The following SMYD3 variants were observed in gnomAD, a reference collection of about 807,000 sequenced individuals.
The protein encoded by SMYD3 is histone-lysine N-methyltransferase SMYD3.
Under a neutral mutation model 57.7 loss-of-function variants are expected in SMYD3, and 36 were observed. The ratio of observed to expected loss-of-function variants is 0.62; its 90% CI spans 0.48 to 0.82. The LOEUF (loss-of-function observed/expected upper bound fraction) is 0.82. SMYD3 is among the 40% of genes least tolerant of loss of function. SMYD3 has a pLI of 0.00. For missense variants in SMYD3, 515 were observed against 538.8 expected (o/e 0.96, Z 0.44); for synonymous variants, 211 against 195.0 (o/e 1.08, Z -0.68).
intron 10 of SMYD3, among the ~76,000 whole-genome samples, chr1:245,812,700 C>CGAAAAAAAAA (rs201426225): frequency 2.1e-5 from 1 of 46,588 alleles, no homozygotes; most frequent in African/African-American, 5.6e-5. Context: ...AACAACAGTT[C>CGAAAAAAAAA]CAAAAAAAAA....
chr1:246,277,042 G>A (rs1424771862), intron 5 of SMYD3, among the ~76,000 whole-genome samples: 3 of 152,216 alleles, frequency 2.0e-5, no homozygotes, highest in Admixed American at 1.3e-4. Context: ...CTAATATGGA[G>A]ATGTACATAT....
intron 8 of SMYD3, among the ~76,000 whole-genome samples, chr1:245,886,069 A>G (rs2053071285): frequency 6.6e-6 from 1 of 152,256 alleles, no homozygotes; most frequent in African/African-American, 2.4e-5. Flanking sequence ...AGAAATTAGC[A>G]TAAGAAGGTA....
At chr1:245,806,363 C>T (rs1017375648) in intron 10 of SMYD3, among the ~76,000 whole-genome samples, 1 of 152,128 alleles carries the variant, frequency 6.6e-6, no homozygotes, top group Non-Finnish European at 1.5e-5. Context: ...CTTACTTAAT[C>T]CTTATCACAA....
chr1:246,302,867 T>C (rs2064914838), intron 5 of SMYD3, among the ~76,000 whole-genome samples: 1 of 152,186 alleles, frequency 6.6e-6, no homozygotes, highest in Non-Finnish European at 1.5e-5. Flanking sequence ...GCAGTTAGCT[T>C]TGTGACTCAG....
At chr1:245,807,937 C>T (rs886743185) in intron 10 of SMYD3, among the ~76,000 whole-genome samples, 9 of 151,992 alleles carry the variant, frequency 5.9e-5, no homozygotes, top group Non-Finnish European at 1.0e-4. Context: ...TTTTAATAGT[C>T]GTTATGATTC....
intron 5 of SMYD3, among the ~76,000 whole-genome samples, chr1:246,082,400 C>G (rs960891241): frequency 6.6e-6 from 1 of 152,134 alleles, no homozygotes; most frequent in African/African-American, 2.4e-5. Flanking sequence ...ACCAACTCAC[C>G]CCCCTGGACC....
chr1:246,481,232 C>CA, intron 1 of SMYD3, among the ~76,000 whole-genome samples: 1 of 152,138 alleles, frequency 6.6e-6, no homozygotes, highest in South Asian at 2.1e-4. Flanking sequence ...GTTGATTTCA[C>CA]ATGTAAACAT....
At chr1:246,067,915 C>A (rs2060372289) in intron 5 of SMYD3, among the ~76,000 whole-genome samples, 1 of 152,122 alleles carries the variant, frequency 6.6e-6, no homozygotes, top group African/African-American at 2.4e-5. Context: ...CTCTCCGGCA[C>A]CGACTGAGTA....
At chr1:245,786,512 T>C (rs1486371666) in intron 10 of SMYD3, among the ~76,000 whole-genome samples, 1 of 151,004 alleles carries the variant, frequency 6.6e-6, no homozygotes, top group African/African-American at 2.5e-5. Flanking sequence ...TGAACCCAGC[T>C]CTCTCCAGCC....
At chr1:246,445,652 C>A (rs939280172) in intron 1 of SMYD3, among the ~76,000 whole-genome samples, 1 of 152,164 alleles carries the variant, frequency 6.6e-6, no homozygotes, top group African/African-American at 2.4e-5. Context: ...AAAACCCCTA[C>A]AGCTGTTAAG....
chr1:245,884,419 G>A (rs115081774), intron 8 of SMYD3, among the ~76,000 whole-genome samples: 5 of 152,224 alleles, frequency 3.3e-5, no homozygotes, highest in South Asian at 2.1e-4. Flanking sequence ...TGGTCCTTCC[G>A]GTTTTGTGGT....
chr1:246,201,077 C>T lies in SMYD3; in HGVS notation c.531+126124G>A, dbSNP rs191992935. ...TCATTCAATCAAAATATGTTATTTG[C>T]TTTTATATAAACCTAAGTTTCCATG... is the stretch of plus-strand genomic sequence containing the variant. On this transcript the variant is annotated intron_variant, in intron 5 of 11. Transcript: ENST00000490107. Among the ~76,000 whole-genome samples, 609 of 152,246 alleles carry T rather than the reference C, an allele frequency of 4.0e-3. 5 individuals are homozygous for T. The highest frequency in any genetic ancestry group is 6.7e-3 in the Non-Finnish European group (458 of 68,006).
At chr1:246,338,687 TTC>T (rs1399599215) in intron 2 of SMYD3, among the ~76,000 whole-genome samples, 3 of 152,184 alleles carry the variant, frequency 2.0e-5, no homozygotes, top group African/African-American at 7.2e-5. Context: ...TATAACACAA[TTC>T]TTTCAGTGCA....
chr1:245,836,559 C>A (rs2050116524), intron 10 of SMYD3, among the ~76,000 whole-genome samples: 1 of 152,208 alleles, frequency 6.6e-6, no homozygotes, highest in African/African-American at 2.4e-5. Flanking sequence ...CGCTGCTGGG[C>A]ACCTCTCTAG....
At chr1:246,050,514 TGAA>T (rs896881972) in intron 5 of SMYD3, among the ~76,000 whole-genome samples, 24 of 152,136 alleles carry the variant, frequency 1.6e-4, no homozygotes, top group Non-Finnish European at 3.4e-4. Flanking sequence ...GGTATATAAA[TGAA>T]GAAGAGGTTC....
At chr1:246,335,509 C>T (rs1390622365) in intron 2 of SMYD3, 35 bp from the exon 3 acceptor site, 2 of 1,570,056 alleles carry the variant, frequency 1.3e-6, no homozygotes, top group Admixed American at 3.4e-5. Context: ...CATAGGTGAC[C>T]TAAAATTTAA....
At chr1:246,204,475 T>C (rs2062967378) in intron 5 of SMYD3, among the ~76,000 whole-genome samples, 1 of 152,218 alleles carries the variant, frequency 6.6e-6, no homozygotes, top group South Asian at 2.1e-4. Flanking sequence ...CAGTAAATGA[T>C]TACTAAATAA....
At chr1:246,460,849 C>G (rs943338230) in intron 1 of SMYD3, among the ~76,000 whole-genome samples, 1 of 152,166 alleles carries the variant, frequency 6.6e-6, no homozygotes, top group Non-Finnish European at 1.5e-5. Context: ...AACTTCAATT[C>G]AGCATGTCAG....
intron 5 of SMYD3, among the ~76,000 whole-genome samples, chr1:246,261,600 A>G (rs979215053): frequency 6.6e-6 from 1 of 152,114 alleles, no homozygotes; most frequent in African/African-American, 2.4e-5. Flanking sequence ...GTTAGCTCAG[A>G]AAATACAGAA....
Sources: gnomAD v4.1 joint callset for allele counts (sites outside exome capture counted in the v4.1 genomes callset) on GRCh38, gnomAD v4.1.1 for gene constraint, MANE v1.5 for transcripts, NCBI Gene and HGNC (gene_info 2026-07-23, HGNC 2026-07-21) for gene names.